The following CR1L variants were observed in gnomAD, a reference collection of about 807,000 sequenced individuals.
CR1L encodes the protein complement C3b/C4b receptor 1 like.
CR1L carries 59 observed loss-of-function variants against 62.3 expected under a neutral mutation model. The ratio of observed to expected loss-of-function variants is 0.95; its 90% CI spans 0.77 to 1.18. The LOEUF is 1.18. CR1L is among the 50% of genes most tolerant of loss of function. CR1L has a pLI of 0.00. For missense variants in CR1L, 700 were observed against 702.8 expected (o/e 1.00, Z 0.04); for synonymous variants, 279 against 248.7 (o/e 1.12, Z -1.15).
chr1:207,713,586 G>A (rs190094060), intron 10 of CR1L, among the ~76,000 whole-genome samples: 10 of 152,334 alleles, frequency 6.6e-5, no homozygotes, highest in South Asian at 2.1e-4. Context: ...CATGGCTGCC[G>A]CGACTACATG....
intron 1 of CR1L, 104 bp from the exon 2 acceptor site, chr1:207,677,285 G>A (rs1571514013): frequency 2.6e-6 from 3 of 1,148,662 alleles, no homozygotes; most frequent in Admixed American, 3.4e-5. Flanking sequence ...TCCAGCCTGG[G>A]TGACAGAGGG....
chr1:207,718,977 A>C (rs542822581), intron 11 of CR1L, among the ~76,000 whole-genome samples: 511 of 149,900 alleles, frequency 3.4e-3, no homozygotes, highest in African/African-American at 0.012. Flanking sequence ...ATGAAATTGG[A>C]AAACATCATT....
At chr1:207,685,131 CAA>C (rs1247488897) in intron 4 of CR1L, among the ~76,000 whole-genome samples, 2 of 152,072 alleles carry the variant, frequency 1.3e-5, no homozygotes, top group Admixed American at 6.5e-5. Flanking sequence ...AAAAAACAAA[CAA>C]TATAATAATA....
intron 4 of CR1L, among the ~76,000 whole-genome samples, chr1:207,690,810 A>C (rs1663984225): frequency 6.6e-6 from 1 of 152,142 alleles, no homozygotes; most frequent in East Asian, 1.9e-4. Flanking sequence ...TGGCTTGTAG[A>C]TGCATCATTT....
intron 9 of CR1L, among the ~76,000 whole-genome samples, chr1:207,702,542 T>C (rs1664210387): frequency 1.3e-5 from 2 of 152,336 alleles, no homozygotes; most frequent in South Asian, 4.1e-4. Context: ...AGGCCTCATG[T>C]GCCAAACAGC....
At position 207,715,416 on chromosome 1, in the gene CR1L, G is replaced by A. The variant is rs1653971126; in HGVS notation, c.1415-2048G>A. On this transcript the variant is annotated intron_variant, in intron 10 of 11. Coordinates refer to ENST00000508064, the MANE Select transcript of CR1L (RefSeq NM_175710.2). ...TGTGAACGTGAGTAGAAAGAACTAC[G>A]TAGTTTGGATAGCTCTCCTTATTTT... 6.1e-6 allele frequency: 9 copies of A among 1,471,366 alleles called. No homozygotes were observed. The South Asian group carries it at 7.9e-5, about 13-fold the overall frequency. The allele number at this position is 1,471,366 out of a possible 1,614,324, so 91.1% of individuals were successfully genotyped here.
chr1:207,686,398 T>C (rs12022909), intron 4 of CR1L, among the ~76,000 whole-genome samples: 58,389 of 151,414 alleles, frequency 0.39, 11,433 homozygotes, highest in African/African-American at 0.41. Flanking sequence ...CATTCTCATA[T>C]ACTCTTCATT....
intron 3 of CR1L, among the ~76,000 whole-genome samples, chr1:207,681,840 C>A (rs1348947569): frequency 6.6e-6 from 1 of 152,128 alleles, no homozygotes; most frequent in Admixed American, 6.5e-5. Context: ...TTCATTTGTT[C>A]TCTATTTGTG....
chr1:207,705,681 C>A (rs1304881868), intron 9 of CR1L, among the ~76,000 whole-genome samples: 1 of 152,142 alleles, frequency 6.6e-6, no homozygotes, highest in African/African-American at 2.4e-5. Context: ...TGATAAATTT[C>A]CTAACTGTTC....
intron 10 of CR1L, among the ~76,000 whole-genome samples, chr1:207,716,014 T>A (rs896365567): frequency 6.6e-6 from 1 of 152,148 alleles, no homozygotes; most frequent in Non-Finnish European, 1.5e-5. Flanking sequence ...TGTTCTTTTA[T>A]CCCCTCACGT....
intron 1 of CR1L, among the ~76,000 whole-genome samples, chr1:207,647,022 TAC>T (rs60443234): frequency 0.36 from 54,549 of 151,842 alleles, 9,989 homozygotes; most frequent in Non-Finnish European, 0.4. Context: ...ACTATTTGTT[TAC>T]ACACACGTAC....
At chr1:207,713,837 G>A (rs1287106647) in intron 10 of CR1L, among the ~76,000 whole-genome samples, 1 of 152,256 alleles carries the variant, frequency 6.6e-6, no homozygotes, top group Non-Finnish European at 1.5e-5. Context: ...ATGGCGGTGT[G>A]TTAACAACTC....
chr1:207,709,049 A>T (rs911721417), intron 10 of CR1L: 9 of 273,538 alleles, frequency 3.3e-5, no homozygotes, highest in African/African-American at 9.2e-5. Context: ...AATATTGTAT[A>T]TTTGTGTTTG....
chr1:207,704,300 A>G (rs939205782), intron 9 of CR1L, among the ~76,000 whole-genome samples: 2 of 152,258 alleles, frequency 1.3e-5, no homozygotes, highest in African/African-American at 4.8e-5. Flanking sequence ...ATCATGATCA[A>G]ACTTGAACAG....
At chr1:207,716,740 T>C (rs917694777) in intron 10 of CR1L, among the ~76,000 whole-genome samples, 3 of 152,212 alleles carry the variant, frequency 2.0e-5, no homozygotes, top group African/African-American at 7.2e-5. Flanking sequence ...TAATCATTGT[T>C]TGATGTACTA....
In CR1L at chr1:207,694,545, G is replaced by C; in HGVS notation, c.656G>C (p.Gly219Ala). ...GATGATCAAGTGGGCATCTGGAGTG[G>C]CCCAGCCCCTCAGTGCATTATACCT... ...SKDDQVGIWS[G>A]PAPQCIIPNK... The change falls in exon 5 of 12, where the codon GGC becomes GCC. Residue 219 changes from glycine (G) to alanine (A), a missense_variant. Physicochemically the swap from Gly to Ala is moderately conservative, Grantham distance 60 (BLOSUM62 0). Transcript: ENST00000508064. 6.2e-7 allele frequency: 1 copy of C among 1,612,780 alleles called. No homozygotes were observed. The highest frequency in any genetic ancestry group is 8.5e-7 in the Non-Finnish European group (1 of 1,179,804).
At chr1:207,686,400 C>A (rs1175551099) in intron 4 of CR1L, among the ~76,000 whole-genome samples, 1 of 151,770 alleles carries the variant, frequency 6.6e-6, no homozygotes. Context: ...TTCTCATATA[C>A]TCTTCATTAT....
intron 1 of CR1L, among the ~76,000 whole-genome samples, chr1:207,652,374 A>G (rs576436145): frequency 2.3e-4 from 35 of 152,366 alleles, no homozygotes; most frequent in South Asian, 4.1e-4. Flanking sequence ...AAACATGCAA[A>G]TCCCATTTCC....
chr1:207,706,710 T>C (rs1283732620), intron 9 of CR1L, among the ~76,000 whole-genome samples: 1 of 152,200 alleles, frequency 6.6e-6, no homozygotes, highest in African/African-American at 2.4e-5. Context: ...AGGCTCCAGA[T>C]ACACATTAAA....
Sources: gnomAD v4.1 joint callset for allele counts (sites outside exome capture counted in the v4.1 genomes callset) on GRCh38, gnomAD v4.1.1 for gene constraint, MANE v1.5 for transcripts, NCBI Gene and HGNC (gene_info 2026-07-23, HGNC 2026-07-21) for gene names.